B3GALT1: variants seen among roughly 807,000 people sequenced by gnomAD.
The protein encoded by B3GALT1 is UDP-Gal:betaGlcNAc beta 1,3-galactosyltransferase, polypeptide 1.
B3GALT1 carries 10 observed loss-of-function variants against 23.2 expected under a neutral mutation model. The ratio of observed to expected loss-of-function variants is 0.43; its 90% CI spans 0.27 to 0.73. B3GALT1 has a LOEUF of 0.73. B3GALT1 is among the 30% of genes least tolerant of loss of function. The pLI, the probability that B3GALT1 is intolerant of heterozygous loss-of-function variation, is 0.21. For synonymous variants in B3GALT1, 156 were observed against 141.5 expected (o/e 1.10, Z -0.73); for missense variants, 299 against 405.4 (o/e 0.74, Z 2.25).
At chr2:167,705,465 G>A (rs1454351517) in intron 3 of B3GALT1, among the ~76,000 whole-genome samples, 1 of 152,120 alleles carries the variant, frequency 6.6e-6, no homozygotes, top group Non-Finnish European at 1.5e-5. Flanking sequence ...GAATCAAGAT[G>A]CTTTTTTTTA....
chr2:167,450,091 G>T (rs1699064029), intron 1 of B3GALT1, among the ~76,000 whole-genome samples: 1 of 152,118 alleles, frequency 6.6e-6, no homozygotes, highest in South Asian at 2.1e-4. Context: ...TGGCATTAGG[G>T]TGTTACCAGC....
intron 1 of B3GALT1, among the ~76,000 whole-genome samples, chr2:167,367,228 G>A (rs1559076781): frequency 6.6e-6 from 1 of 152,072 alleles, no homozygotes; most frequent in African/African-American, 2.4e-5. Context: ...CCTCCAATAA[G>A]CCTGGGAAAA....
intron 2 of B3GALT1, among the ~76,000 whole-genome samples, chr2:167,551,681 A>G (rs1370156814): frequency 1.3e-5 from 2 of 152,060 alleles, no homozygotes; most frequent in East Asian, 3.9e-4. Flanking sequence ...AGGAAATGCA[A>G]ATTGCCCAGA....
At chr2:167,852,940 A>C (rs1218624368) in intron 4 of B3GALT1, among the ~76,000 whole-genome samples, 2 of 152,196 alleles carry the variant, frequency 1.3e-5, no homozygotes. Flanking sequence ...TAGTAATGAG[A>C]GTGACAAAAA....
At chr2:167,378,018 G>A (rs78450839) in intron 1 of B3GALT1, among the ~76,000 whole-genome samples, 2,147 of 152,206 alleles carry the variant, frequency 0.014, 35 homozygotes, top group East Asian at 0.096. Context: ...CAGTATGTTG[G>A]TAATAAATAC....
intron 2 of B3GALT1, among the ~76,000 whole-genome samples, chr2:167,563,064 C>T (rs184724297): frequency 1.2e-4 from 18 of 152,058 alleles, no homozygotes; most frequent in Admixed American, 2.6e-4. Context: ...CACACAGACA[C>T]GGCAACCATC....
intron 1 of B3GALT1, among the ~76,000 whole-genome samples, chr2:167,369,478 G>T (rs1313821425): frequency 2.0e-5 from 3 of 152,190 alleles, no homozygotes; most frequent in Admixed American, 1.3e-4. Flanking sequence ...AATGGTAACA[G>T]ATAAGGTTAA....
chr2:167,702,108 T>A (rs552279333), intron 3 of B3GALT1, among the ~76,000 whole-genome samples: 19 of 152,296 alleles, frequency 1.2e-4, no homozygotes, highest in African/African-American at 4.6e-4. Flanking sequence ...CTTATAAGTA[T>A]CTCTGTGTGA....
intron 2 of B3GALT1, among the ~76,000 whole-genome samples, chr2:167,509,365 TAAAC>T (rs1176849537): frequency 2.0e-5 from 3 of 152,020 alleles, no homozygotes; most frequent in East Asian, 1.9e-4. Context: ...CAAATAATAA[TAAAC>T]AACAAATAAA....
At chr2:167,812,977 ACGCACCAC>A (rs1688919808) in intron 3 of B3GALT1, among the ~76,000 whole-genome samples, 2 of 130,802 alleles carry the variant, frequency 1.5e-5, no homozygotes, top group African/African-American at 6.6e-5. Context: ...ACACACACAC[ACGCACCAC>A]CACCACCCCC....
rs912310092 is a variant in B3GALT1, at chr2:167,704,453, A to G, written c.-352+57487A>G. 1.3e-5 allele frequency among the ~76,000 whole-genome samples: 2 copies of G among 152,156 alleles called. 1 individual carries two copies. Among genetic ancestry groups the G allele is most frequent in the Admixed American group, 1.3e-4 (2 of 15,278 alleles). On this transcript the variant is annotated intron_variant, in intron 3 of 4. Transcript: ENST00000392690. ...TAACCTTCCTAATCCTTCTAAGCAG[A>G]TATACACATATATTTATTTGCAAAA...
rs114812449 is a variant in B3GALT1, at chr2:167,750,766, G to A, written c.-351-67906G>A. 4.5e-3 allele frequency among the ~76,000 whole-genome samples: 660 copies of A among 146,198 alleles called. 3 individuals are homozygous for A. The highest frequency in any genetic ancestry group is 0.015 in the African/African-American group (606 of 39,696). On this transcript the variant is annotated intron_variant, in intron 3 of 4. Transcript: ENST00000392690. ...AAAAAAAAAAAAAACTAAGCCCCTC[G>A]CAGGTAACACTCAGGGATCTTTAGA...
intron 2 of B3GALT1, among the ~76,000 whole-genome samples, chr2:167,607,228 A>G (rs145927757): frequency 6.6e-6 from 1 of 152,352 alleles, no homozygotes; most frequent in Non-Finnish European, 1.5e-5. Flanking sequence ...AGGATGATCT[A>G]ACTGCATTGC....
At chr2:167,610,618 C>T (rs1180473008) in intron 2 of B3GALT1, among the ~76,000 whole-genome samples, 1 of 151,892 alleles carries the variant, frequency 6.6e-6, no homozygotes, top group African/African-American at 2.4e-5. Context: ...GCATTTCAAG[C>T]AGGAAATAAG....
chr2:167,560,883 A>G (rs929345684), intron 2 of B3GALT1, among the ~76,000 whole-genome samples: 3 of 151,992 alleles, frequency 2.0e-5, no homozygotes, highest in Non-Finnish European at 2.9e-5. Flanking sequence ...CACTGTCAAC[A>G]TTAGACAGAT....
At chr2:167,807,421 A>G (rs1688778203) in intron 3 of B3GALT1, among the ~76,000 whole-genome samples, 2 of 151,982 alleles carry the variant, frequency 1.3e-5, no homozygotes, top group South Asian at 2.1e-4. Context: ...TGTCAATTTT[A>G]GGTCTTTCCT....
chr2:167,390,424 G>A (rs1698001485), intron 1 of B3GALT1, among the ~76,000 whole-genome samples: 2 of 152,226 alleles, frequency 1.3e-5, no homozygotes, highest in South Asian at 2.1e-4. Context: ...CAGACTTGCT[G>A]AGAGAAGAAG....
Position 167,378,483 on chromosome 2 carries a change from A to C in B3GALT1, c.-511+85149A>C, listed in dbSNP as rs111948056. Among the ~76,000 whole-genome samples, 1,195 of 152,166 alleles carry C rather than the reference A, an allele frequency of 7.9e-3. 10 individuals carry two copies. The highest frequency in any genetic ancestry group is 0.013 in the Non-Finnish European group (911 of 67,992). On this transcript the variant is annotated intron_variant, in intron 1 of 4. Transcript: ENST00000392690. ...AAGAATTCATGTTTAGTTGCCTTAAATAATACCATATTTCTTAAAGGCCTT... is the reference window on the plus strand; with the variant it reads ...AAGAATTCATGTTTAGTTGCCTTAACTAATACCATATTTCTTAAAGGCCTT...
At chr2:167,793,515 A>C (rs1257872564) in intron 3 of B3GALT1, among the ~76,000 whole-genome samples, 2 of 151,966 alleles carry the variant, frequency 1.3e-5, no homozygotes, top group Non-Finnish European at 1.5e-5. Flanking sequence ...ACTAGAATTA[A>C]CCTGGTCTAC....
Sources: allele counts gnomAD v4.1 joint callset (sites outside exome capture counted in the v4.1 genomes callset), GRCh38; gene constraint gnomAD v4.1.1; transcripts MANE v1.5; gene names NCBI Gene and HGNC (gene_info 2026-07-23, HGNC 2026-07-21).